Variants in PRKCB observed in about 807,000 individuals in gnomAD.
PRKCB encodes the protein protein kinase C beta.
PRKCB carries 13 observed loss-of-function variants against 81.5 expected under a neutral mutation model. The observed-to-expected ratio is 0.16, with a 90% CI of 0.10 to 0.25. The LOEUF is 0.25. Ranked by LOEUF, PRKCB falls within the 10% of genes least tolerant of loss-of-function variation. The pLI is 1.00. For missense variants in PRKCB, 509 were observed against 875.7 expected, an observed-to-expected ratio of 0.58 and a Z score of 5.29; for synonymous variants, 335 against 321.4, an observed-to-expected ratio of 1.04 and a Z score of -0.45.
chr16:24,034,010 C>T (rs990578081), intron 4 of PRKCB, among the ~76,000 whole-genome samples: 1 of 152,062 alleles, frequency 6.6e-6, no homozygotes, highest in Non-Finnish European at 1.5e-5. Flanking sequence ...CAGTGAGCCA[C>T]GTGCAGAAGT....
At chr16:23,847,374 A>G (rs1180399752) in intron 2 of PRKCB, among the ~76,000 whole-genome samples, 1 of 7,088 alleles carries the variant, frequency 1.4e-4, no homozygotes, top group Non-Finnish European at 2.5e-4. Context: ...CTATCTATCT[A>G]TCTGTCCATC....
At chr16:23,913,347 A>G (rs1963690522) in intron 2 of PRKCB, among the ~76,000 whole-genome samples, 1 of 152,154 alleles carries the variant, frequency 6.6e-6, no homozygotes, top group South Asian at 2.1e-4. Context: ...GTCAAAAAAA[A>G]AAAATCTGAC....
intron 6 of PRKCB, 151 bp from the exon 7 acceptor site, chr16:24,094,012 G>T (rs1357313166): frequency 2.2e-6 from 2 of 893,618 alleles, no homozygotes; most frequent in South Asian, 2.0e-5. Flanking sequence ...ACTCCCTGGA[G>T]AGCTAGCCTG....
Position 24,218,063 on chromosome 16 carries a change from A to G in PRKCB, c.*3247A>G. 1.0e-6 allele frequency: 1 copy of G among 985,318 alleles called. No individual in the cohort carries two copies. The highest frequency in any genetic ancestry group is 1.2e-6 in the Non-Finnish European group (1 of 829,818). 61.0% of individuals were successfully genotyped at this position (985,318 alleles called of 1,614,324 possible). On this transcript the variant is annotated 3_prime_UTR_variant, in exon 17 of 17. Transcript: ENST00000643927. ...AATTACAAACAACCTACTGTGTGCC[A>G]GGCACTATTCTTAGCACTGGAAATA...
chr16:23,998,380 A>G (rs1251526382), intron 3 of PRKCB, among the ~76,000 whole-genome samples: 1 of 152,024 alleles, frequency 6.6e-6, no homozygotes, highest in Non-Finnish European at 1.5e-5. Context: ...TTTTTGGAGA[A>G]CCCTGACTAA....
intron 5 of PRKCB, among the ~76,000 whole-genome samples, chr16:24,081,003 A>G (rs1435426782): frequency 6.6e-6 from 1 of 152,228 alleles, no homozygotes; most frequent in African/African-American, 2.4e-5. Context: ...CAAGAAAACT[A>G]CAAGCAAATA....
At chr16:23,982,022 A>T (rs1428147863) in intron 2 of PRKCB, among the ~76,000 whole-genome samples, 9 of 12,300 alleles carry the variant, frequency 7.3e-4, no homozygotes, top group Admixed American at 1.5e-3. Context: ...TTTCCCTTCC[A>T]CTTCCCTTTC....
chr16:24,000,592 G>A (rs1486012984), intron 3 of PRKCB, among the ~76,000 whole-genome samples: 1 of 152,210 alleles, frequency 6.6e-6, no homozygotes, highest in Non-Finnish European at 1.5e-5. Context: ...AAATGAGAAA[G>A]AGTTCACAAA....
intron 9 of PRKCB, among the ~76,000 whole-genome samples, chr16:24,128,186 C>T (rs1966847793): frequency 6.6e-6 from 1 of 151,936 alleles, no homozygotes; most frequent in Non-Finnish European, 1.5e-5. Flanking sequence ...GCCAGCCTGG[C>T]CAATATGGTG....
chr16:23,920,125 C>CA (rs1194996143), intron 2 of PRKCB, among the ~76,000 whole-genome samples: 2 of 152,224 alleles, frequency 1.3e-5, no homozygotes, highest in Non-Finnish European at 2.9e-5. Context: ...CAACAGTGCA[C>CA]AAGGATTTTT....
At chr16:24,161,863 G>T (rs1721465532) in intron 10 of PRKCB, among the ~76,000 whole-genome samples, 1 of 152,110 alleles carries the variant, frequency 6.6e-6, no homozygotes, top group South Asian at 2.1e-4. Context: ...TGCTGCATAG[G>T]TACGAAAGAA....
intron 2 of PRKCB, among the ~76,000 whole-genome samples, chr16:23,902,733 C>T (rs1303426498): frequency 1.0e-4 from 1 of 10,016 alleles, no homozygotes; most frequent in Non-Finnish European, 1.8e-4. Context: ...TCCCTTCCTC[C>T]CTTCCTTCCT....
chr16:23,945,005 C>G (rs76314227), intron 2 of PRKCB, among the ~76,000 whole-genome samples: 1 of 151,902 alleles, frequency 6.6e-6, no homozygotes, highest in Non-Finnish European at 1.5e-5. Flanking sequence ...AGAGAAAGAA[C>G]GTCAGAGAGG....
At chr16:24,060,477 G>T (rs994529773) in intron 5 of PRKCB, among the ~76,000 whole-genome samples, 1 of 152,170 alleles carries the variant, frequency 6.6e-6, no homozygotes, top group African/African-American at 2.4e-5. Context: ...CCTTATGCAT[G>T]TATCACATCT....
At chr16:24,022,497 CTTTT>C in intron 3 of PRKCB, among the ~76,000 whole-genome samples, 1 of 151,982 alleles carries the variant, frequency 6.6e-6, no homozygotes, top group South Asian at 2.1e-4. Flanking sequence ...TTCTTTCTTT[CTTTT>C]TTTTGTTTGA....
chr16:23,914,703 A>G (rs1963712151), intron 2 of PRKCB, among the ~76,000 whole-genome samples: 1 of 152,112 alleles, frequency 6.6e-6, no homozygotes, highest in African/African-American at 2.4e-5. Context: ...AGCTTTCAAT[A>G]TGTGTTGGCC....
rs548001731 is a variant in PRKCB at position 23,884,916 on chromosome 16, A to T, written c.205+47510A>T. 2.5e-4 allele frequency among the ~76,000 whole-genome samples: 4 copies of T among 16,118 alleles called. No individual in the cohort carries two copies. In the South Asian group the frequency reaches 8.4e-3, roughly 34 times the overall value. 10.6% of individuals were successfully genotyped at this position (16,118 alleles called of 152,430 possible). On this transcript the variant is annotated intron_variant, in intron 2 of 16. Coordinates refer to ENST00000643927, the MANE Select transcript of PRKCB (RefSeq NM_002738.7). ...TCATTTAGTTGTTCAGCAAATATGG[A>T]TGATTGAATGGATATAATAGGTGCA...
At chr16:23,838,665 C>T (rs1447325644) in intron 2 of PRKCB, among the ~76,000 whole-genome samples, 1 of 152,222 alleles carries the variant, frequency 6.6e-6, no homozygotes, top group Non-Finnish European at 1.5e-5. Flanking sequence ...CCTCCACCCT[C>T]CAGGGAAAAG....
chr16:24,118,966 G>A (rs1567381283), intron 8 of PRKCB, among the ~76,000 whole-genome samples: 2 of 152,030 alleles, frequency 1.3e-5, no homozygotes, highest in Admixed American at 6.6e-5. Context: ...CAACAAGAAG[G>A]CGAAAGAGCT....
Sources: gnomAD v4.1 joint callset for allele counts (sites outside exome capture counted in the v4.1 genomes callset) on GRCh38, gnomAD v4.1.1 for gene constraint, MANE v1.5 for transcripts, NCBI Gene and HGNC (gene_info 2026-07-23, HGNC 2026-07-21) for gene names.